The following GSE1 variants were observed in gnomAD, a reference collection of about 807,000 sequenced individuals.
GSE1 encodes the protein Gse1 coiled-coil protein.
In GSE1, 32 loss-of-function variants were observed where a neutral mutation model predicts 112.6. The observed-to-expected ratio is 0.28, with a 90% CI of 0.21 to 0.38. GSE1 has a LOEUF of 0.38. GSE1 is among the 10% of genes least tolerant of loss of function. The probability of loss-of-function intolerance (pLI) is 1.00; values close to 1 mark genes in which losing one functional copy is unlikely to be tolerated. For synonymous variants in GSE1, 1,115 were observed against 735.6 expected (o/e 1.52, Z -8.35); for missense variants, 2,348 against 1,699.2 (o/e 1.38, Z -6.71).
chr16:85,535,920 G>A (rs1326875419), intron 2 of GSE1, among the ~76,000 whole-genome samples: 2 of 152,250 alleles, frequency 1.3e-5, no homozygotes, highest in Admixed American at 6.5e-5. Flanking sequence ...TTGGGCACCT[G>A]CTGTATACCC....
At chr16:85,669,217 C>A (rs796234066) in intron 14 of GSE1, among the ~76,000 whole-genome samples, 1 of 152,274 alleles carries the variant, frequency 6.6e-6, no homozygotes, top group Non-Finnish European at 1.5e-5. Flanking sequence ...ACCATCCTTA[C>A]TGCGTGGGCA....
chr16:85,663,678 C>A, intron 11 of GSE1, 64 bp downstream of exon 11: 2 of 1,503,526 alleles, frequency 1.3e-6, no homozygotes, highest in Non-Finnish European at 1.8e-6. Flanking sequence ...TCTGAAGCAG[C>A]AGGTGGGGCC....
At chr16:85,413,700 C>T (rs1361135284) in intron 2 of GSE1, among the ~76,000 whole-genome samples, 1 of 152,160 alleles carries the variant, frequency 6.6e-6, no homozygotes, top group Non-Finnish European at 1.5e-5. Flanking sequence ...AGGAATTTAA[C>T]ATAGAGAATC....
chr16:85,632,258 G>T lies in GSE1; in HGVS notation c.8-1656G>T, dbSNP rs570674130. 7.2e-5 allele frequency among the ~76,000 whole-genome samples: 11 copies of T among 152,362 alleles called. No individual in the cohort carries two copies. The South Asian group carries it at 1.9e-3, about 26-fold the overall frequency. ...TGGCTGTTGCCTGCCATGGGCATGG[G>T]GCTCTCAGGGGTCCTTTGTTCCCAA... On this transcript the variant is annotated intron_variant, in intron 1 of 15. Transcript: ENST00000253458.
chr16:85,668,749 A>T (rs911310046), intron 14 of GSE1, among the ~76,000 whole-genome samples: 17 of 152,096 alleles, frequency 1.1e-4, no homozygotes, highest in African/African-American at 3.6e-4. Context: ...CTGGGAGACA[A>T]CCTAGTTGGT....
At chr16:85,331,379 A>ATATATGTATATT (rs2046344989) in intron 1 of GSE1, among the ~76,000 whole-genome samples, 1 of 134,996 alleles carries the variant, frequency 7.4e-6, no homozygotes, top group African/African-American at 2.6e-5. Context: ...ATATGTATAT[A>ATATATGTATATT]TATGTATATA....
chr16:85,663,164 C>T (rs1180854547), intron 10 of GSE1, 71 bp downstream of exon 10: 1 of 1,256,194 alleles, frequency 8.0e-7, no homozygotes, highest in Non-Finnish European at 1.2e-6. Flanking sequence ...ACCCTGCAGT[C>T]CACCCCACTG....
At chr16:85,633,748 C>G (rs949842482) in intron 1 of GSE1, among the ~76,000 whole-genome samples, 166 bp from the exon 2 acceptor site, 1 of 152,192 alleles carries the variant, frequency 6.6e-6, no homozygotes, top group Admixed American at 6.5e-5. Context: ...GGGGTCTGTT[C>G]TCTCTGCAGC....
intron 1 of GSE1, among the ~76,000 whole-genome samples, chr16:85,173,785 G>T (rs1195791550): frequency 1.3e-5 from 2 of 152,344 alleles, no homozygotes; most frequent in East Asian, 1.9e-4. Flanking sequence ...CAGCTGGGAA[G>T]GGGGAGTGGA....
At chr16:85,232,676 G>T (rs1368182627) in intron 1 of GSE1, among the ~76,000 whole-genome samples, 1 of 152,194 alleles carries the variant, frequency 6.6e-6, no homozygotes, top group Non-Finnish European at 1.5e-5. Context: ...TCCAGCCAGT[G>T]GGGTCCTGCG....
chr16:85,496,682 A>G (rs1396523837), intron 2 of GSE1, among the ~76,000 whole-genome samples: 4 of 152,256 alleles, frequency 2.6e-5, no homozygotes. Context: ...AGGAAGATTC[A>G]AAACAGGATT....
intron 1 of GSE1, among the ~76,000 whole-genome samples, chr16:85,601,547 T>G (rs901097838): frequency 6.6e-6 from 1 of 152,064 alleles, no homozygotes; most frequent in Non-Finnish European, 1.5e-5. Flanking sequence ...GGGGACCCAC[T>G]GCCTCCACGC....
At chr16:85,274,315 G>A (rs981125679) in intron 1 of GSE1, among the ~76,000 whole-genome samples, 3 of 152,102 alleles carry the variant, frequency 2.0e-5, no homozygotes, top group Admixed American at 6.5e-5. Flanking sequence ...AACCTGGGAG[G>A]CGGAGGTTGC....
intron 1 of GSE1, among the ~76,000 whole-genome samples, chr16:85,247,011 G>GA (rs1567636926): frequency 6.6e-6 from 1 of 152,028 alleles, no homozygotes; most frequent in Non-Finnish European, 1.5e-5. Context: ...CCCTAGAGGG[G>GA]GGCACCGCCT....
chr16:85,555,911 C>G (rs1312141602), upstream of GSE1: 3 of 924,164 alleles, frequency 3.2e-6, no homozygotes, highest in African/African-American at 5.6e-5. Context: ...ATTTTTCTCT[C>G]GCTCCTCTTC....
intron 1 of GSE1, among the ~76,000 whole-genome samples, chr16:85,564,277 A>C (rs1443598147): frequency 6.6e-6 from 1 of 152,098 alleles, no homozygotes; most frequent in African/African-American, 2.4e-5. Flanking sequence ...CACAGTGAGG[A>C]GGGAGGAACA....
At chr16:85,548,074 A>G (rs1420413137) in intron 2 of GSE1, among the ~76,000 whole-genome samples, 1 of 150,930 alleles carries the variant, frequency 6.6e-6, no homozygotes, top group East Asian at 2.0e-4. Context: ...AAAAATACCA[A>G]AAAAATTAGC....
intron 2 of GSE1, among the ~76,000 whole-genome samples, chr16:85,482,278 C>T (rs1038399131): frequency 4.6e-5 from 7 of 152,218 alleles, no homozygotes; most frequent in Admixed American, 3.9e-4. Context: ...TGGGGGTGCT[C>T]GGATGTGTGC....
chr16:85,486,116 C>G lies in GSE1; in HGVS notation c.2464+128473C>G, dbSNP rs368131645. Among the ~76,000 whole-genome samples, 24 of 152,336 alleles carry G rather than the reference C, an allele frequency of 1.6e-4. No individual in the cohort carries two copies. The East Asian group carries it at 4.1e-3, about 26-fold the overall frequency. On this transcript the variant is annotated intron_variant, in intron 2 of 2. Coordinates refer to the GSE1 transcript ENST00000637419. ...ACTGGGGGCACCCCATGCCCAGTCC[C>G]TCCAATTGCAGCTTCTGTCCTCACC...
Sources: allele counts gnomAD v4.1 joint callset (sites outside exome capture counted in the v4.1 genomes callset), GRCh38; gene constraint gnomAD v4.1.1; transcripts MANE v1.5; gene names NCBI Gene and HGNC (gene_info 2026-07-23, HGNC 2026-07-21).